The following OSBPL9 variants were observed in gnomAD, a reference collection of about 807,000 sequenced individuals.
The protein encoded by OSBPL9 is oxysterol binding protein like 9, also known as oxysterol-binding protein-related protein 9.
A neutral mutation model predicts 106.6 loss-of-function variants in OSBPL9; 40 were observed. The ratio of observed to expected loss-of-function variants is 0.38; its 90% CI spans 0.29 to 0.49. The LOEUF is 0.49. Ranked by LOEUF, OSBPL9 falls within the 20% of genes least tolerant of loss-of-function variation. The pLI is 0.97. For missense variants in OSBPL9, 609 were observed against 887.2 expected (o/e 0.69, Z 3.98); for synonymous variants, 269 against 295.4 (o/e 0.91, Z 0.92).
At chr1:51,661,785 A>T (rs1570889677) in intron 2 of OSBPL9, among the ~76,000 whole-genome samples, 1 of 152,320 alleles carries the variant, frequency 6.6e-6, no homozygotes, top group East Asian at 1.9e-4. Context: ...TCAAAAAAAT[A>T]CTCTAAACCC....
intron 3 of OSBPL9, among the ~76,000 whole-genome samples, chr1:51,688,686 AT>A (rs1239625211): frequency 6.6e-6 from 1 of 152,212 alleles, no homozygotes; most frequent in Non-Finnish European, 1.5e-5. Context: ...TTTGTACTTA[AT>A]GAATTTGATT....
Position 51,788,744 on chromosome 1 carries a change from T to A in OSBPL9, c.*955T>A, listed in dbSNP as rs1045673090. 6.6e-6 allele frequency among the ~76,000 whole-genome samples: 1 copy of A among 151,672 alleles called. No homozygotes were observed. Among genetic ancestry groups the A allele is most frequent in the Non-Finnish European group, 1.5e-5 (1 of 67,992 alleles). On this transcript the variant is annotated 3_prime_UTR_variant, in exon 24 of 24. Transcript: ENST00000428468. ...TTTGGGAAGAGTGTGTATTTATAGA[T>A]CCCCACCCCACAGTGAACAAAAATA...
chr1:51,635,205 C>G (rs570949731), intron 1 of OSBPL9, among the ~76,000 whole-genome samples: 1 of 152,114 alleles, frequency 6.6e-6, no homozygotes, highest in Admixed American at 6.5e-5. Flanking sequence ...ACCTATAGTC[C>G]CAGCCACTGG....
chr1:51,786,876 A>T (rs1314638917), intron 22 of OSBPL9, among the ~76,000 whole-genome samples: 1 of 152,186 alleles, frequency 6.6e-6, no homozygotes, highest in African/African-American at 2.4e-5. Flanking sequence ...CTAACTTTAA[A>T]GCCTCTGTAA....
the OSBPL9 span, chr1:51,565,770 C>T: frequency 6.6e-6 from 1 of 152,244 alleles, no homozygotes. Flanking sequence ...CCTTCTCTTT[C>T]TCAGACCACT....
chr1:51,647,991 T>C (rs969498545), intron 1 of OSBPL9, among the ~76,000 whole-genome samples: 5 of 152,190 alleles, frequency 3.3e-5, no homozygotes, highest in Non-Finnish European at 7.3e-5. Context: ...GTCATCCAGC[T>C]GAAAAGACAG....
At chr1:51,669,226 T>G (rs1431668440) in intron 2 of OSBPL9, among the ~76,000 whole-genome samples, 1 of 152,226 alleles carries the variant, frequency 6.6e-6, no homozygotes, top group East Asian at 1.9e-4. Flanking sequence ...AGGCATAGAA[T>G]GTACCTGTAC....
At chr1:51,748,938 A>G (rs371345295) in intron 7 of OSBPL9, among the ~76,000 whole-genome samples, 2 of 152,280 alleles carry the variant, frequency 1.3e-5, no homozygotes, top group East Asian at 3.9e-4. Flanking sequence ...ATACAAAATT[A>G]TCCAGGCGTG....
chr1:51,598,596 C>T (rs1645313671), intron 2 of OSBPL9, among the ~76,000 whole-genome samples: 1 of 152,206 alleles, frequency 6.6e-6, no homozygotes, highest in South Asian at 2.1e-4. Flanking sequence ...ATTACCAAAT[C>T]TCTCCTGGTG....
intron 1 of OSBPL9, among the ~76,000 whole-genome samples, chr1:51,626,778 C>G (rs1644793984): frequency 6.6e-6 from 1 of 152,080 alleles, no homozygotes; most frequent in South Asian, 2.1e-4. Context: ...CTTTGGCCTT[C>G]CAAAGTGCTG....
chr1:51,661,791 A>G (rs1269152772), intron 2 of OSBPL9, among the ~76,000 whole-genome samples: 1 of 152,210 alleles, frequency 6.6e-6, no homozygotes, highest in Non-Finnish European at 1.5e-5. Context: ...AAATACTCTA[A>G]ACCCAGATAA....
the OSBPL9 span, among the ~76,000 whole-genome samples, chr1:51,556,099 G>C: frequency 6.7e-5 from 10 of 148,872 alleles, no homozygotes; most frequent in Admixed American, 3.3e-4. Flanking sequence ...CTCAATCCCT[G>C]TAAGCCTAGT....
At chr1:51,550,269 C>G in the OSBPL9 span, among the ~76,000 whole-genome samples, 1 of 152,142 alleles carries the variant, frequency 6.6e-6, no homozygotes, top group African/African-American at 2.4e-5. Flanking sequence ...GACACGTGAG[C>G]AGGTAGTACA....
intron 22 of OSBPL9, 95 bp downstream of exon 22, chr1:51,786,712 G>GTCTCT (rs1677727344): frequency 1.0e-6 from 1 of 970,784 alleles, no homozygotes; most frequent in East Asian, 2.6e-5. Context: ...GTAGGGCAGA[G>GTCTCT]CATAATAGTA....
intron 3 of OSBPL9, among the ~76,000 whole-genome samples, chr1:51,686,721 G>T (rs1653885947): frequency 6.6e-6 from 1 of 152,174 alleles, no homozygotes; most frequent in Non-Finnish European, 1.5e-5. Flanking sequence ...TGGAAACCTG[G>T]CCAGAGAAAG....
At chr1:51,746,796 A>G (rs1244381049) in intron 6 of OSBPL9, 39 bp downstream of exon 6, 1 of 1,518,172 alleles carries the variant, frequency 6.6e-7, no homozygotes, top group Admixed American at 1.9e-5. Context: ...TAAAAATTTT[A>G]AATTCAGCCT....
At chr1:51,651,931 TA>T in intron 1 of OSBPL9, 59 bp from the exon 2 acceptor site, 1 of 1,380,168 alleles carries the variant, frequency 7.2e-7, no homozygotes, top group Non-Finnish European at 1.0e-6. Context: ...CAGATGATTC[TA>T]AAAACAATTT....
At chr1:51,761,118 G>A (rs549600001) in intron 10 of OSBPL9, among the ~76,000 whole-genome samples, 81 of 152,252 alleles carry the variant, frequency 5.3e-4, no homozygotes, top group African/African-American at 1.7e-3. Flanking sequence ...GATAATCCAG[G>A]GATGTTCCGT....
At chr1:51,641,693 G>GCCTT (rs1244157734) in intron 1 of OSBPL9, among the ~76,000 whole-genome samples, 1 of 152,074 alleles carries the variant, frequency 6.6e-6, no homozygotes, top group Non-Finnish European at 1.5e-5. Flanking sequence ...TTCTAGCAGG[G>GCCTT]CCTTACAAAT....
Sources: gnomAD v4.1 joint callset for allele counts (sites outside exome capture counted in the v4.1 genomes callset) on GRCh38, gnomAD v4.1.1 for gene constraint, MANE v1.5 for transcripts, NCBI Gene and HGNC (gene_info 2026-07-23, HGNC 2026-07-21) for gene names.